The following KCNIP4 variants were observed in gnomAD, a reference collection of about 807,000 sequenced individuals.
KCNIP4 encodes potassium voltage-gated channel interacting protein 4, also known as Kv channel-interacting protein 4.
A neutral mutation model predicts 34.0 loss-of-function variants in KCNIP4; 12 were observed. The observed-to-expected ratio is 0.35, with a 90% CI of 0.23 to 0.57. The LOEUF (loss-of-function observed/expected upper bound fraction) is 0.57. KCNIP4 is among the 20% of genes least tolerant of loss of function. The probability of loss-of-function intolerance (pLI) is 0.83; values close to 1 mark genes in which losing one functional copy is unlikely to be tolerated. For synonymous variants in KCNIP4, 124 were observed against 102.2 expected (o/e 1.21, Z -1.29); for missense variants, 238 against 311.7 (o/e 0.76, Z 1.78).
At chr4:20,880,020 A>G (rs1724498552) in intron 2 of KCNIP4, among the ~76,000 whole-genome samples, 1 of 152,208 alleles carries the variant, frequency 6.6e-6, no homozygotes, top group Admixed American at 6.5e-5. Context: ...GAGTTATGCA[A>G]TGTAGTATTA....
At chr4:20,831,448 G>GCCCCTCTA (rs1718416509) in intron 3 of KCNIP4, among the ~76,000 whole-genome samples, 1 of 152,090 alleles carries the variant, frequency 6.6e-6, no homozygotes, top group African/African-American at 2.4e-5. Context: ...GGGCTCTTCA[G>GCCCCTCTA]GATATAAAGA....
chr4:21,834,283 A>C (rs1240371387), intron 1 of KCNIP4, among the ~76,000 whole-genome samples: 1 of 152,168 alleles, frequency 6.6e-6, no homozygotes, highest in Non-Finnish European at 1.5e-5. Flanking sequence ...AGTCGTCTGT[A>C]GTTCTCCTTG....
intron 1 of KCNIP4, among the ~76,000 whole-genome samples, chr4:21,714,191 A>G (rs1004672982): frequency 1.2e-4 from 18 of 152,134 alleles, no homozygotes; most frequent in African/African-American, 3.9e-4. Flanking sequence ...CTCTCTCAAG[A>G]TTAATAAATT....
chr4:21,095,647 T>C (rs186567150), intron 1 of KCNIP4, among the ~76,000 whole-genome samples: 1 of 152,322 alleles, frequency 6.6e-6, no homozygotes, highest in East Asian at 1.9e-4. Flanking sequence ...TAAGAGAATA[T>C]TCTAAGTTTG....
chr4:21,705,312 C>T lies in KCNIP4; in HGVS notation c.61+243259G>A, dbSNP rs576675822. Among the ~76,000 whole-genome samples the T allele has an allele frequency of 3.7e-4, 56 of 152,202 alleles. 1 individual carries two copies. The highest frequency in any genetic ancestry group is 7.1e-4 in the Non-Finnish European group (48 of 67,980). ...ATCCTTATTGTATCAATGTTGGTAT[C>T]TGAGTTGTGATATTTTATTATAGTT... On this transcript the variant is annotated intron_variant, in intron 1 of 8. Coordinates refer to ENST00000382152, the MANE Select transcript of KCNIP4 (RefSeq NM_025221.6).
At chr4:20,765,705 A>C (rs542712455) in intron 3 of KCNIP4, among the ~76,000 whole-genome samples, 1 of 152,300 alleles carries the variant, frequency 6.6e-6, no homozygotes, top group East Asian at 1.9e-4. Context: ...TATGATGACC[A>C]TTGCATTTCT....
intron 1 of KCNIP4, among the ~76,000 whole-genome samples, chr4:21,311,560 G>A (rs569675089): frequency 1.5e-3 from 228 of 151,956 alleles, no homozygotes; most frequent in Non-Finnish European, 2.2e-3. Context: ...GTGATGGTGC[G>A]TGCCTGTAGT....
At chr4:21,436,435 A>C (rs1477347992) in intron 1 of KCNIP4, among the ~76,000 whole-genome samples, 1 of 152,136 alleles carries the variant, frequency 6.6e-6, no homozygotes, top group Non-Finnish European at 1.5e-5. Context: ...CTAACTTCTG[A>C]ATTATTTCTC....
At chr4:20,778,453 G>A (rs775003319) in intron 3 of KCNIP4, among the ~76,000 whole-genome samples, 8 of 152,154 alleles carry the variant, frequency 5.3e-5, no homozygotes, top group Non-Finnish European at 8.8e-5. Context: ...CAAATGAAAT[G>A]TAGTTTTGAC....
At chr4:21,664,414 C>CAA (rs200113468) in intron 1 of KCNIP4, among the ~76,000 whole-genome samples, 77 of 138,430 alleles carry the variant, frequency 5.6e-4, no homozygotes, top group African/African-American at 1.9e-3. Flanking sequence ...TAAACAGAGA[C>CAA]AAAAAAAAAA....
chr4:21,272,681 C>A (rs1461806488), intron 1 of KCNIP4, among the ~76,000 whole-genome samples: 2 of 152,160 alleles, frequency 1.3e-5, no homozygotes, highest in Non-Finnish European at 2.9e-5. Flanking sequence ...TTTAATTCAG[C>A]TCAACAATTC....
At chr4:21,313,071 T>C (rs1459442684) in intron 1 of KCNIP4, among the ~76,000 whole-genome samples, 2 of 152,214 alleles carry the variant, frequency 1.3e-5, no homozygotes, top group Non-Finnish European at 2.9e-5. Context: ...GGGTCTAATC[T>C]TTATCTAAAT....
intron 1 of KCNIP4, among the ~76,000 whole-genome samples, chr4:21,645,265 G>T (rs1454313782): frequency 6.6e-6 from 1 of 152,054 alleles, no homozygotes; most frequent in African/African-American, 2.4e-5. Context: ...ATACAGACAG[G>T]TTAAATAAAT....
At chr4:20,872,080 C>T (rs530306400) in intron 2 of KCNIP4, among the ~76,000 whole-genome samples, 269 of 152,232 alleles carry the variant, frequency 1.8e-3, no homozygotes, top group African/African-American at 6.2e-3. Context: ...GATTTTGACA[C>T]TGATCCTTCT....
rs115935371 is a variant in KCNIP4 at position 20,973,677 on chromosome 4, G to C, written c.62-90968C>G. 3.2e-3 allele frequency among the ~76,000 whole-genome samples: 492 copies of C among 152,256 alleles called. 3 individuals carry two copies. The highest frequency in any genetic ancestry group is 0.011 in the African/African-American group (468 of 41,548). On this transcript the variant is annotated intron_variant, in intron 1 of 8. Transcript: ENST00000382152. ...CTTTCTAGCTTTTGATTTCAAGTGA[G>C]AGATGTATGACTCTTCCCTTTACTT... is the stretch of plus-strand genomic sequence containing the variant.
intron 1 of KCNIP4, among the ~76,000 whole-genome samples, chr4:21,621,960 T>A (rs914228881): frequency 6.6e-6 from 1 of 152,124 alleles, no homozygotes; most frequent in Admixed American, 6.5e-5. Context: ...CCTAAAGGGA[T>A]CCTCACCCTA....
At chr4:20,766,448 C>T (rs1181004400) in intron 3 of KCNIP4, among the ~76,000 whole-genome samples, 3 of 152,128 alleles carry the variant, frequency 2.0e-5, no homozygotes, top group African/African-American at 4.8e-5. Context: ...TGCCTATAAT[C>T]TGAACTACCC....
intron 1 of KCNIP4, among the ~76,000 whole-genome samples, chr4:21,566,930 C>T (rs565772717): frequency 7.2e-5 from 11 of 152,218 alleles, no homozygotes; most frequent in Admixed American, 1.3e-4. Flanking sequence ...ATCAAAATAC[C>T]TCTATATTGT....
At chr4:21,227,710 A>G (rs945718861) in intron 1 of KCNIP4, among the ~76,000 whole-genome samples, 11 of 152,170 alleles carry the variant, frequency 7.2e-5, no homozygotes, top group African/African-American at 2.7e-4. Context: ...AAAACCAACT[A>G]GTTATCAAAA....
Sources: allele counts gnomAD v4.1 joint callset (sites outside exome capture counted in the v4.1 genomes callset), GRCh38; gene constraint gnomAD v4.1.1; transcripts MANE v1.5; gene names NCBI Gene and HGNC (gene_info 2026-07-23, HGNC 2026-07-21).